CAMSAP3: variants seen among roughly 807,000 people sequenced by gnomAD.
CAMSAP3 encodes calmodulin-regulated spectrin-associated protein 3.
Under a neutral mutation model 112.5 loss-of-function variants are expected in CAMSAP3, and 34 were observed. That is an observed-to-expected ratio of 0.30 (90% CI 0.23 to 0.40). The LOEUF is 0.40. Ranked by LOEUF, CAMSAP3 falls within the 10% of genes least tolerant of loss-of-function variation. CAMSAP3 has a pLI of 1.00. For missense variants in CAMSAP3, 1,602 were observed against 1,770.3 expected (o/e 0.90, Z 1.71); for synonymous variants, 868 against 799.8 (o/e 1.09, Z -1.44).
Position 7,612,745 on chromosome 19 carries a change from G to C in CAMSAP3, c.2252G>C (p.Gly751Ala). 1 of 1,532,208 alleles carries C rather than the reference G, an allele frequency of 6.5e-7. No homozygotes were observed. The highest frequency in any genetic ancestry group is 1.2e-5 in the South Asian group (1 of 83,878). 94.9% of individuals were successfully genotyped at this position (1,532,208 alleles called of 1,614,324 possible). Residue 751 changes from glycine (G) to alanine (A), a missense_variant, in exon 11 of 17, where the codon GGG becomes GCG. Around this residue, in one of 6 missense-constraint regions of CAMSAP3, gnomAD observed 1,100 missense variants for 1,135.7 expected, o/e 0.97. Transcript: ENST00000160298. Reference sequence around the variant, plus strand: ...TGGGTCATCCCTGGCCCCACGACGGGGCCCAAAGCTGCATCCCCCAGCCCC... The same window carrying C: ...TGGGTCATCCCTGGCCCCACGACGGCGCCCAAAGCTGCATCCCCCAGCCCC... ...AAWVIPGPTTGPKAASPSPAR... is the reference protein window; with the variant it reads ...AAWVIPGPTTAPKAASPSPAR...
chr19:7,605,324 C>A lies in CAMSAP3; in HGVS notation c.247C>A (p.Leu83Ile). 1 of 1,611,012 alleles carries A rather than the reference C, an allele frequency of 6.2e-7. No individual in the cohort carries two copies. The highest frequency in any genetic ancestry group is 1.1e-5 in the South Asian group (1 of 90,592). ...GACACGGCTGCTGCTCTCAGCCGAG[C>A]TCTACTGCAGAGCCTGGCGCCAGGC... is the stretch of plus-strand genomic sequence containing the variant. ...PVTRLLLSAELYCRAWRQALP... is the reference protein window; with the variant it reads ...PVTRLLLSAEIYCRAWRQALP... Residue 83 changes from leucine (L) to isoleucine (I), a missense_variant, in exon 2 of 17, where the codon CTC becomes ATC. Around this residue, in one of 6 missense-constraint regions of CAMSAP3, gnomAD observed 147 missense variants for 144.6 expected, o/e 1.02. Coordinates refer to ENST00000160298, the MANE Select transcript of CAMSAP3 (RefSeq NM_020902.2).
chr19:7,608,343 C>T (rs1275453672), intron 5 of CAMSAP3, 79 bp downstream of exon 5: 1 of 1,517,708 alleles, frequency 6.6e-7, no homozygotes, highest in East Asian at 2.3e-5. Context: ...CCTCCATCCC[C>T]AGGTCCGCGA....
In CAMSAP3 at chr19:7,605,285, G is replaced by A. The variant is rs757003385; in HGVS notation, c.208G>A (p.Val70Met). 3 of 1,611,370 alleles carry A rather than the reference G, an allele frequency of 1.9e-6. No individual in the cohort carries two copies. The highest frequency in any genetic ancestry group is 2.2e-5 in the South Asian group (2 of 90,712). Residue 70 changes from valine to methionine, a missense_variant, in exon 2 of 17, where the codon GTG becomes ATG. Physicochemically the swap from Val to Met is conservative, Grantham distance 21. Coordinates refer to ENST00000160298, the MANE Select transcript of CAMSAP3 (RefSeq NM_020902.2). ...FYTDQYAQEH[V>M]KPPVTRLLLS... is the part of the protein sequence containing the mutation. ...TACCGACCAGTACGCGCAGGAGCAT[G>A]TGAAGCCCCCGGTGACACGGCTGCT...
intron 1 of CAMSAP3, among the ~76,000 whole-genome samples, chr19:7,603,728 C>T (rs539035861): frequency 3.3e-5 from 5 of 152,152 alleles, no homozygotes; most frequent in Non-Finnish European, 5.9e-5. Context: ...CACGTGCCTG[C>T]GGTCCCAGCT....
Position 7,615,483 on chromosome 19 carries a change from C to T in CAMSAP3, c.2876C>T (p.Ala959Val). ...TCCGCAGTCCCGATGGCGACTCCAG[C>T]CCCTGCTGCCCGGGCTCCAGCCGAG... ...LVSAVPMATP[A>V]PAARAPAEEE... Residue 959 changes from alanine (A) to valine (V), a missense_variant, in exon 13 of 17, where the codon GCC becomes GTC. Ala to Val is a moderately conservative substitution (Grantham distance 64, BLOSUM62 0). This residue lies in a region of CAMSAP3 where 1,100 missense variants were observed against 1,135.7 expected (regional missense o/e 0.97). Transcript: ENST00000160298. The surrounding 1 kb of genome is among the most constrained non-coding windows in gnomAD (Gnocchi z 6.5). 1 of 1,540,674 alleles carries T rather than the reference C, an allele frequency of 6.5e-7. No homozygotes were observed.
chr19:7,617,651 G>A lies in CAMSAP3; in HGVS notation c.3434G>A (p.Arg1145His), dbSNP rs753692728. 170 of 1,613,974 alleles carry A rather than the reference G, an allele frequency of 1.1e-4. 1 individual carries two copies. Among genetic ancestry groups the A allele is most frequent in the South Asian group, 4.8e-4 (44 of 91,086 alleles). Reference sequence around the variant, plus strand: ...AAGGTGAACGAACCGCAGAAGAATCGCATTCTGGAGGTGAGCCCGCCCACA... The same window carrying A: ...AAGGTGAACGAACCGCAGAAGAATCACATTCTGGAGGTGAGCCCGCCCACA... ...AGKVNEPQKN[R>H]ILEEIEKSKA... is the part of the protein sequence containing the mutation. Residue 1145 changes from arginine to histidine, a missense_variant, in exon 16 of 17, where the codon CGC (arginine) becomes CAC (histidine). By Grantham distance (29) the Arg-to-His change is conservative. Around this residue, in one of 6 missense-constraint regions of CAMSAP3, gnomAD observed 150 missense variants for 207.6 expected, o/e 0.72. Transcript: ENST00000160298. This position sits in a 1 kb window ranked among gnomAD's most constrained non-coding sequence, Gnocchi z 7.5.
Position 7,607,877 on chromosome 19 carries a change from T to C in CAMSAP3, c.622-249T>C. On this transcript the variant is annotated intron_variant, in intron 4 of 16. Transcript: ENST00000160298. The surrounding 1 kb of genome is among the most constrained non-coding windows in gnomAD (Gnocchi z 4.9). ...GGAGCAAACCCCCCATGGTAATGTA[T>C]CCCCCGCCCCGGGGTCCCAGGAGTC... is the stretch of plus-strand genomic sequence containing the variant. 1 of 1,131,168 alleles carries C rather than the reference T, an allele frequency of 8.8e-7. No homozygotes were observed. Among genetic ancestry groups the C allele is most frequent in the Non-Finnish European group, 1.3e-6 (1 of 780,886 alleles). The allele number at this position is 1,131,168 out of a possible 1,614,324, so 70.1% of individuals were successfully genotyped here. A position where few individuals can be genotyped will look rare whatever the true frequency, so the allele number is the denominator to read the frequency against.
In CAMSAP3 at chr19:7,616,622, G is replaced by C. The variant is rs202218559; in HGVS notation, c.3212G>C (p.Arg1071Pro). ...CTCGGGGTGAAGAGGCCCACGTCTC[G>C]GTGAGTTTAGCCCGCACAGGCGGGG... ...NNLGVKRPTS[R>P]APSPSGLMSP... is the part of the protein sequence containing the mutation. Residue 1071 changes from arginine (R) to proline (P), a missense_variant and splice_region_variant, in exon 14 of 17, where the codon CGG becomes CCG. Arg to Pro is a moderately radical substitution (Grantham distance 103, BLOSUM62 -2). Transcript: ENST00000160298. 1.0e-5 allele frequency: 16 copies of C among 1,602,632 alleles called. No homozygotes were observed. Among genetic ancestry groups the C allele is most frequent in the South Asian group, 2.2e-5 (2 of 90,990 alleles).
In CAMSAP3 at chr19:7,618,102, G is replaced by A. The variant is rs776711559; in HGVS notation, c.*45G>A. ...GGGCCGGGCCCTGTGTGCTGCGGCC[G>A]CCATCCCCTGGAGGACAGTCAGTCG... On this transcript the variant is annotated 3_prime_UTR_variant, in exon 17 of 17. Transcript: ENST00000160298. 13 of 1,572,302 alleles carry A rather than the reference G, an allele frequency of 8.3e-6. No individual in the cohort carries two copies. The highest frequency in any genetic ancestry group is 3.4e-5 in the Admixed American group (2 of 58,202).
At chr19:7,596,175 TC>T in intron 1 of CAMSAP3, 25 bp downstream of exon 1, 1 of 34,500 alleles carries the variant, frequency 2.9e-5, no homozygotes, top group Non-Finnish European at 5.1e-5. Flanking sequence ...GGGACCGGGG[TC>T]GGGGGCGGCG....
Position 7,612,467 on chromosome 19 carries a change from C to T in CAMSAP3, c.1974C>T (p.Ser658=), listed in dbSNP as rs578078409. The change falls in exon 11 of 17, where the codon TCC becomes TCT. Residue 658 remains serine (S), a synonymous_variant. Coordinates refer to ENST00000160298, the MANE Select transcript of CAMSAP3 (RefSeq NM_020902.2). Reference sequence around the variant, plus strand: ...AAGCAGAGGCGGAGGAGGCCGATTCCGGTCCAGTCCCTGGTGGGGAGCGGC... The same window carrying T: ...AAGCAGAGGCGGAGGAGGCCGATTCTGGTCCAGTCCCTGGTGGGGAGCGGC... ...EAEAEAEEAD[S]GPVPGGERPA... 3.4e-5 allele frequency: 54 copies of T among 1,571,026 alleles called. No homozygotes were observed. Among genetic ancestry groups the T allele is most frequent in the South Asian group, 3.2e-4 (28 of 86,418 alleles).
Position 7,615,257 on chromosome 19 carries a change from G to A in CAMSAP3, c.2745G>A (p.Glu915=). The A allele has an allele frequency of 1.3e-6, 2 of 1,550,842 alleles. No homozygotes were observed. The highest frequency in any genetic ancestry group is 8.7e-7 in the Non-Finnish European group (1 of 1,147,322). ...SLLERQQRRA[E]EARRRKQWQE... The stretch of plus-strand genomic sequence containing the variant: ...TGGAGCGGCAGCAGCGGCGAGCAGA[G>A]GAGGCGCGGCGGCGCAAGCAGTGGC... Residue 915 remains glutamate, a synonymous_variant, in exon 12 of 17, where the codon GAG becomes GAA. Transcript: ENST00000160298. The surrounding 1 kb of genome is among the most constrained non-coding windows in gnomAD (Gnocchi z 6.5).
rs1362467887 is a variant in CAMSAP3, at chr19:7,607,022, C to T, written c.621+451C>T. Among the ~76,000 whole-genome samples, 1 of 152,094 alleles carries T rather than the reference C, an allele frequency of 6.6e-6. No homozygotes were observed. Among genetic ancestry groups the T allele is most frequent in the Non-Finnish European group, 1.5e-5 (1 of 68,024 alleles). On this transcript the variant is annotated intron_variant, in intron 4 of 16. Coordinates refer to ENST00000160298, the MANE Select transcript of CAMSAP3 (RefSeq NM_020902.2). This position sits in a 1 kb window ranked among gnomAD's most constrained non-coding sequence, Gnocchi z 4.9. ...CGGCCATTAACTGAGAGGGCAGACC[C>T]CTCCCCCAGCGAACTGATGGGTGGG...
intron 1 of CAMSAP3, among the ~76,000 whole-genome samples, chr19:7,602,076 A>G (rs2146158460): frequency 6.6e-6 from 1 of 152,230 alleles, no homozygotes; most frequent in South Asian, 2.1e-4. Flanking sequence ...AAAAAAGGAA[A>G]GAAAAATAGA....
Position 7,601,417 on chromosome 19 carries a change from C to G in CAMSAP3, c.149-3809C>G, listed in dbSNP as rs147876446. 5.0e-3 allele frequency among the ~76,000 whole-genome samples: 754 copies of G among 152,196 alleles called. 7 individuals carry two copies. The highest frequency in any genetic ancestry group is 7.3e-3 in the Non-Finnish European group (497 of 68,024). On this transcript the variant is annotated intron_variant, in intron 1 of 16. Transcript: ENST00000160298. ...CACCACAGCCTCCGTCTCCTGGGTT[C>G]AAGTGATTCTCGTGCCTCAGCCTCC...
chr19:7,615,626 G>A lies in CAMSAP3; in HGVS notation c.3019G>A (p.Gly1007Ser). ...GCGGCCCCGGGCTGCGGGGTCCGGG[G>A]GTCCAGGTCGGGGCGGGCGGAGGGC... ...VLRPRAAGSG[G>S]PGRGGRRATR... The change falls in exon 13 of 17, where the codon GGT (glycine) becomes AGT (serine). Residue 1007 changes from glycine (G) to serine (S), a missense_variant. Gly to Ser is a moderately conservative substitution (Grantham distance 56). Around this residue, in one of 6 missense-constraint regions of CAMSAP3, gnomAD observed 1,100 missense variants for 1,135.7 expected, o/e 0.97. Coordinates refer to ENST00000160298, the MANE Select transcript of CAMSAP3 (RefSeq NM_020902.2). This position sits in a 1 kb window ranked among gnomAD's most constrained non-coding sequence, Gnocchi z 6.5. 6.9e-7 allele frequency: 1 copy of A among 1,444,388 alleles called. No individual in the cohort carries two copies. The highest frequency in any genetic ancestry group is 9.1e-7 in the Non-Finnish European group (1 of 1,101,216). The allele number at this position is 1,444,388 out of a possible 1,614,324, so 89.5% of individuals were successfully genotyped here. A position where few individuals can be genotyped will look rare whatever the true frequency, so the allele number is the denominator to read the frequency against.
chr19:7,616,431 C>T (rs1164962839), intron 13 of CAMSAP3, 92 bp from the exon 14 acceptor site: 2 of 927,648 alleles, frequency 2.2e-6, no homozygotes, highest in South Asian at 1.3e-5. Context: ...GCAGGACTGA[C>T]TCCTCCTGTG....
chr19:7,617,655 T>C lies in CAMSAP3; in HGVS notation c.3438T>C (p.Ile1146=). Residue 1146 remains isoleucine, a synonymous_variant, in exon 16 of 17, where the codon ATT becomes ATC. Transcript: ENST00000160298. This position sits in a 1 kb window ranked among gnomAD's most constrained non-coding sequence, Gnocchi z 7.5. ...GKVNEPQKNR[I]LEEIEKSKAN... ...TGAACGAACCGCAGAAGAATCGCAT[T>C]CTGGAGGTGAGCCCGCCCACACGTG... 1 of 1,614,060 alleles carries C rather than the reference T, an allele frequency of 6.2e-7. No homozygotes were observed. The highest frequency in any genetic ancestry group is 1.1e-5 in the South Asian group (1 of 91,086).
chr19:7,617,910 C>A lies in CAMSAP3; in HGVS notation c.3603C>A (p.Ile1201=). 6.2e-7 allele frequency: 1 copy of A among 1,614,130 alleles called. No homozygotes were observed. ...RTVTPAMVEG[I]YKYNSDRKRF... ...TCACGCCCGCCATGGTGGAAGGCAT[C>A]TACAAGTACAACTCGGACCGCAAGC... Residue 1201 remains isoleucine (I), a synonymous_variant, in exon 17 of 17, where the codon ATC becomes ATA. Transcript: ENST00000160298. The surrounding 1 kb of genome is among the most constrained non-coding windows in gnomAD (Gnocchi z 7.5).
Sources: gnomAD v4.1 joint callset for allele counts (sites outside exome capture counted in the v4.1 genomes callset) on GRCh38, gnomAD v4.1.1 for gene constraint, gnomAD v4.1.1 regional missense constraint, Gnocchi (gnomAD v3.1) non-coding constraint, MANE v1.5 for transcripts, NCBI Gene and HGNC (gene_info 2026-07-23, HGNC 2026-07-21) for gene names.